Variants in RIMS1 observed in about 807,000 individuals in gnomAD.
RIMS1 encodes the protein regulating synaptic membrane exocytosis protein 1.
A neutral mutation model predicts 214.1 loss-of-function variants in RIMS1; 83 were observed. The ratio of observed to expected loss-of-function variants is 0.39; its 90% CI spans 0.32 to 0.47. The LOEUF (loss-of-function observed/expected upper bound fraction) is 0.47. Among genes scored for constraint, RIMS1 ranks in the 20% least tolerant of loss-of-function variants. The probability of loss-of-function intolerance (pLI) is 0.99; values close to 1 mark genes in which losing one functional copy is unlikely to be tolerated. For synonymous variants in RIMS1, 793 were observed against 786.8 expected, an observed-to-expected ratio of 1.01 and a Z score of -0.13; for missense variants, 2,050 against 2,161.8, an observed-to-expected ratio of 0.95 and a Z score of 1.03.
rs995569873 is a variant in RIMS1, at chr6:71,985,259, C to T, written c.245+16196C>T. On this transcript the variant is annotated intron_variant, in intron 2 of 33. Transcript: ENST00000521978. The stretch of plus-strand genomic sequence containing the variant: ...ATAAAACATTAGCCAGGCATGGTGG[C>T]GTGTGCCTGTAGTCCCAGCTACTCG... Among the ~76,000 whole-genome samples, 15 of 152,124 alleles carry T rather than the reference C, an allele frequency of 9.9e-5. No individual in the cohort carries two copies. The South Asian group carries it at 1.5e-3, about 15-fold the overall frequency.
chr6:71,969,146 AGAGTAG>A, intron 2 of RIMS1, 83 bp downstream of exon 2: 18 of 1,309,504 alleles, frequency 1.4e-5, no homozygotes, highest in Non-Finnish European at 2.0e-5. Flanking sequence ...ATTGCATGTG[AGAGTAG>A]ATACTCTGGC....
At chr6:71,978,175 C>G (rs1429775320) in intron 2 of RIMS1, among the ~76,000 whole-genome samples, 2 of 152,096 alleles carry the variant, frequency 1.3e-5, no homozygotes, top group Non-Finnish European at 2.9e-5. Context: ...TTAAGAGGGT[C>G]ACTGTTCTTT....
At chr6:72,106,762 A>AT (rs1158510410) in intron 4 of RIMS1, among the ~76,000 whole-genome samples, 3 of 152,174 alleles carry the variant, frequency 2.0e-5, no homozygotes, top group Admixed American at 6.6e-5. Context: ...TCCCCTAAAA[A>AT]ATATATCTTC....
At chr6:72,239,207 A>G (rs2065615080) in intron 9 of RIMS1, among the ~76,000 whole-genome samples, 1 of 152,192 alleles carries the variant, frequency 6.6e-6, no homozygotes, top group Admixed American at 6.5e-5. Context: ...TGCAGACCAC[A>G]TTATAAACAT....
In RIMS1 at chr6:72,117,068, G is replaced by A. The variant is rs181933896; in HGVS notation, c.471+17082G>A. ...CTCTATGCTTGTCTTGGAGAATTCC[G>A]TTCCTCATATCTGGTCACTTTAAAC... is the stretch of plus-strand genomic sequence containing the variant. On this transcript the variant is annotated intron_variant, in intron 4 of 33. Coordinates refer to ENST00000521978, the MANE Select transcript of RIMS1 (RefSeq NM_014989.7). Among the ~76,000 whole-genome samples, 56 of 152,008 alleles carry A rather than the reference G, an allele frequency of 3.7e-4. No homozygotes were observed. In the East Asian group the frequency reaches 0.01, roughly 27 times the overall value.
chr6:72,394,302 A>T (rs1406910695), intron 31 of RIMS1, among the ~76,000 whole-genome samples: 1 of 152,170 alleles, frequency 6.6e-6, no homozygotes, highest in Non-Finnish European at 1.5e-5. Flanking sequence ...TTTTTAAAAG[A>T]TACTAATTAA....
At chr6:72,235,031 T>A (rs191814117) in intron 7 of RIMS1, among the ~76,000 whole-genome samples, 71 of 152,200 alleles carry the variant, frequency 4.7e-4, no homozygotes, top group Admixed American at 1.1e-3. Context: ...CAATAATGAT[T>A]TCTAAGTTAC....
chr6:71,958,729 C>G (rs975938445), intron 1 of RIMS1, among the ~76,000 whole-genome samples: 2 of 152,004 alleles, frequency 1.3e-5, no homozygotes, highest in African/African-American at 4.8e-5. Flanking sequence ...GAATAATTAG[C>G]TCAGGTGAGG....
rs1392500158 is a variant in RIMS1, at chr6:72,235,478, T to C, written c.1747-140T>C. ...TTTAACTTTCATGCGGGAACTAACA[T>C]GTTCCTGGCTTATTTCACTTAACAT... On this transcript the variant is annotated intron_variant, in intron 7 of 33. Transcript: ENST00000521978. 9.0e-6 allele frequency: 5 copies of C among 553,126 alleles called. No individual in the cohort carries two copies. In the African/African-American group the frequency reaches 9.6e-5, roughly 11 times the overall value. 34.3% of individuals were successfully genotyped at this position (553,126 alleles called of 1,614,324 possible).
chr6:71,992,808 C>G (rs1004181827), intron 2 of RIMS1, among the ~76,000 whole-genome samples: 1 of 151,928 alleles, frequency 6.6e-6, no homozygotes, highest in African/African-American at 2.4e-5. Flanking sequence ...TACAGGTGCA[C>G]ACCACCACAC....
At chr6:71,986,407 G>A (rs1057034254) in intron 2 of RIMS1, among the ~76,000 whole-genome samples, 2 of 152,100 alleles carry the variant, frequency 1.3e-5, no homozygotes, top group African/African-American at 4.8e-5. Context: ...GGAGATGGTG[G>A]AATTAGGACA....
At chr6:72,349,375 A>G (rs2097369046) in intron 29 of RIMS1, among the ~76,000 whole-genome samples, 1 of 152,026 alleles carries the variant, frequency 6.6e-6, no homozygotes, top group Admixed American at 6.6e-5. Flanking sequence ...ATTATACTAC[A>G]TTTAGGAAAG....
chr6:72,396,824 C>T (rs1219191310), intron 31 of RIMS1, among the ~76,000 whole-genome samples: 1 of 152,038 alleles, frequency 6.6e-6, no homozygotes, highest in Non-Finnish European at 1.5e-5. Flanking sequence ...ACCAGCCTGA[C>T]CAACATGGCA....
intron 1 of RIMS1, among the ~76,000 whole-genome samples, chr6:71,947,744 T>C (rs1029466011): frequency 1.3e-5 from 2 of 152,122 alleles, no homozygotes; most frequent in African/African-American, 4.8e-5. Flanking sequence ...GCATATAGTT[T>C]AGCCACTGCA....
Position 72,290,749 on chromosome 6 carries a change from G to A in RIMS1, c.3625G>A (p.Gly1209Arg), listed in dbSNP as rs1470544632. ...AGCAACTGATCAGCCAGTCATTAGG[G>A]GAAAACATCCTGCTCGCTCAAGGTC... is the stretch of plus-strand genomic sequence containing the variant. ...PRATDQPVIR[G>R]KHPARSRSSE... Residue 1209 changes from glycine (G) to arginine (R), a missense_variant, in exon 25 of 34, where the codon GGA becomes AGA. This residue lies in a region of RIMS1 where 889 missense variants were observed against 885.5 expected (regional missense o/e 1.00). Transcript: ENST00000521978. 6.2e-7 allele frequency: 1 copy of A among 1,613,652 alleles called. No individual in the cohort carries two copies. The highest frequency in any genetic ancestry group is 8.5e-7 in the Non-Finnish European group (1 of 1,179,776).
At chr6:71,890,441 C>T (rs1023754624) in intron 1 of RIMS1, among the ~76,000 whole-genome samples, 4 of 59,592 alleles carry the variant, frequency 6.7e-5, no homozygotes, top group Admixed American at 2.5e-4. Flanking sequence ...CTAACTTTCT[C>T]GATGAATACT....
At chr6:72,183,702 G>A (rs1179271281) in intron 6 of RIMS1, among the ~76,000 whole-genome samples, 9 of 151,368 alleles carry the variant, frequency 5.9e-5, no homozygotes, top group Non-Finnish European at 1.3e-4. Flanking sequence ...AAATATACTG[G>A]ATTTTTTTTT....
intron 2 of RIMS1, among the ~76,000 whole-genome samples, chr6:72,072,054 T>C (rs1830693945): frequency 6.6e-6 from 1 of 152,204 alleles, no homozygotes; most frequent in South Asian, 2.1e-4. Flanking sequence ...GATGGAATTA[T>C]ATGCCTCACA....
chr6:72,194,609 C>T (rs1489834628), intron 6 of RIMS1, among the ~76,000 whole-genome samples: 3 of 152,052 alleles, frequency 2.0e-5, no homozygotes, highest in Non-Finnish European at 4.4e-5. Flanking sequence ...GACATTTCTC[C>T]TTGATGTATT....
Sources: allele counts gnomAD v4.1 joint callset (sites outside exome capture counted in the v4.1 genomes callset), GRCh38; gene constraint gnomAD v4.1.1; regional missense constraint gnomAD v4.1.1; transcripts MANE v1.5; gene names NCBI Gene and HGNC (gene_info 2026-07-23, HGNC 2026-07-21).